The following TP73 variants were observed in gnomAD, a reference collection of about 807,000 sequenced individuals.
TP73 encodes tumor protein p73.
A neutral mutation model predicts 62.5 loss-of-function variants in TP73; 25 were observed. That is an observed-to-expected ratio of 0.40 (90% CI 0.29 to 0.56). TP73 has a LOEUF of 0.56. Ranked by LOEUF, TP73 falls within the 20% of genes least tolerant of loss-of-function variation. The pLI, the probability that TP73 is intolerant of heterozygous loss-of-function variation, is 0.46. For missense variants in TP73, 754 were observed against 913.3 expected (o/e 0.83, Z 2.25); for synonymous variants, 423 against 377.5 (o/e 1.12, Z -1.40).
At chr1:3,703,677 C>T (rs551259225) in intron 3 of TP73, among the ~76,000 whole-genome samples, 1 of 152,374 alleles carries the variant, frequency 6.6e-6, no homozygotes, top group South Asian at 2.1e-4. Context: ...CCTGCTTCTC[C>T]CAAACAAGGG....
chr1:3,730,273 C>T (rs749894043), intron 11 of TP73, 125 bp downstream of exon 11: 78 of 1,155,900 alleles, frequency 6.7e-5, no homozygotes, highest in Non-Finnish European at 8.1e-5. Flanking sequence ...CTCCTTCCAG[C>T]GGTTCCACCC....
At chr1:3,725,158 A>C (rs1641400644) in intron 6 of TP73, among the ~76,000 whole-genome samples, 1 of 152,092 alleles carries the variant, frequency 6.6e-6, no homozygotes. Context: ...CATGCAACAC[A>C]CACGTAGGGC....
At chr1:3,713,299 G>C (rs1047374655) in intron 4 of TP73, among the ~76,000 whole-genome samples, 1 of 152,154 alleles carries the variant, frequency 6.6e-6, no homozygotes, top group Non-Finnish European at 1.5e-5. Context: ...CTTGGGGACC[G>C]GCCTCTCCTG....
In TP73 at chr1:3,734,340, T is replaced by G. The variant is rs972718430; in HGVS notation, c.*1261T>G. On this transcript the variant is annotated 3_prime_UTR_variant, in exon 14 of 14. Transcript: ENST00000378295. This position sits in a 1 kb window ranked among gnomAD's most constrained non-coding sequence, Gnocchi z 4.4. ...CCATCCACGAGGAGCAGCCTGAGCC[T>G]TGGTGGCCGAACCTTGACCGTCCCG... 1.3e-5 allele frequency: 2 copies of G among 152,242 alleles called. No homozygotes were observed. Among genetic ancestry groups the G allele is most frequent in the Non-Finnish European group, 2.9e-5 (2 of 68,088 alleles). 9.4% of individuals were successfully genotyped at this position (152,242 alleles called of 1,614,324 possible).
At position 3,668,262 on chromosome 1, in the gene TP73, G is replaced by A. The variant is rs536061715; in HGVS notation, c.-33-14071G>A. Reference sequence around the variant, plus strand: ...CAAAGAGTCACCCGGCTGCGATGAGGGGCCATCTCCCCTCCTGGAGCCAAC... The same window carrying A: ...CAAAGAGTCACCCGGCTGCGATGAGAGGCCATCTCCCCTCCTGGAGCCAAC... On this transcript the variant is annotated intron_variant, in intron 1 of 13. Transcript: ENST00000378295. Among the ~76,000 whole-genome samples the A allele has an allele frequency of 5.9e-5, 9 of 152,258 alleles. No homozygotes were observed. In the East Asian group the frequency reaches 9.6e-4, roughly 16 times the overall value.
At position 3,732,449 on chromosome 1, in the gene TP73, A is replaced by G. The variant is rs115750164; in HGVS notation, c.1579-298A>G. Among the ~76,000 whole-genome samples the G allele has an allele frequency of 5.7e-3, 852 of 150,322 alleles. 6 individuals are homozygous for G. The highest frequency in any genetic ancestry group is 0.019 in the African/African-American group (800 of 41,428). ...CAGGGATGAGCTGGGGGTCCACTCCAGGGGGCAGGGACATGGAGACCAAGG... is the reference window on the plus strand; with the variant it reads ...CAGGGATGAGCTGGGGGTCCACTCCGGGGGGCAGGGACATGGAGACCAAGG... On this transcript the variant is annotated intron_variant, in intron 13 of 13. Transcript: ENST00000378295.
intron 1 of TP73, among the ~76,000 whole-genome samples, chr1:3,667,030 C>T (rs1280988238): frequency 2.0e-5 from 3 of 152,078 alleles, no homozygotes; most frequent in Non-Finnish European, 4.4e-5. Context: ...CAGGGGGCCC[C>T]ACAAGAGGGG....
Position 3,683,123 on chromosome 1 carries a change from C to T in TP73, c.129C>T (p.Gly43=), listed in dbSNP as rs1278104095. Residue 43 remains glycine (G), a synonymous_variant, in exon 3 of 14, where the codon GGC becomes GGT. Coordinates refer to ENST00000378295, the MANE Select transcript of TP73 (RefSeq NM_005427.4). ...QSSRGNNEVV[G]GTDSSMDVFH... ...GCCGGGGGAATAATGAGGTGGTGGG[C>T]GGAACGGATTCCAGCATGGACGTCT... 16 of 1,612,462 alleles carry T rather than the reference C, an allele frequency of 9.9e-6. No homozygotes were observed. The highest frequency in any genetic ancestry group is 4.5e-5 in the East Asian group (2 of 44,844).
Position 3,683,032 on chromosome 1 carries a change from C to T in TP73, c.66-28C>T, listed in dbSNP as rs200224584. ...GGGTGACACCCAAACTGGGGACTGA[C>T]GCTTCTATTTTCCTCTCCCTGCCCC... On this transcript the variant is annotated intron_variant, in intron 2 of 13. Coordinates refer to ENST00000378295, the MANE Select transcript of TP73 (RefSeq NM_005427.4). The T allele has an allele frequency of 4.5e-3, 7,110 of 1,587,486 alleles. 32 individuals carry two copies. The highest frequency in any genetic ancestry group is 6.8e-3 in the South Asian group (605 of 89,306).
chr1:3,669,693 A>G (rs999208382), intron 1 of TP73, among the ~76,000 whole-genome samples: 2 of 152,106 alleles, frequency 1.3e-5, no homozygotes, highest in African/African-American at 4.8e-5. Context: ...TCACGCAGCT[A>G]CTCCCAAGCC....
rs866582068 is a variant in TP73 at position 3,666,036 on chromosome 1, C to T, written c.-34+13395C>T. Among the ~76,000 whole-genome samples the T allele has an allele frequency of 1.3e-4, 19 of 146,370 alleles. No individual in the cohort carries two copies. The highest frequency in any genetic ancestry group is 2.2e-4 in the South Asian group (1 of 4,634). On this transcript the variant is annotated intron_variant, in intron 1 of 13. Transcript: ENST00000378295. The surrounding 1 kb of genome is among the most constrained non-coding windows in gnomAD (Gnocchi z 6.4). ...ACTTGGGAGGCTGAGGCAGGAGAAT[C>T]GCTTTTGAAGCCAGGAGGCGGAGTT... is the stretch of plus-strand genomic sequence containing the variant.
In TP73 at chr1:3,696,458, C is replaced by G. The variant is rs574737010; in HGVS notation, c.187-11091C>G. ...AGGGAGTCCTGCACATGGGCACTTA[C>G]AGTCAGGGCTCTGGGGGATCTGCAC... On this transcript the variant is annotated intron_variant, in intron 3 of 13. Coordinates refer to ENST00000378295, the MANE Select transcript of TP73 (RefSeq NM_005427.4). This position sits in a 1 kb window ranked among gnomAD's most constrained non-coding sequence, Gnocchi z 4.1. Among the ~76,000 whole-genome samples, 5 of 151,930 alleles carry G rather than the reference C, an allele frequency of 3.3e-5. No homozygotes were observed. The highest frequency in any genetic ancestry group is 3.3e-4 in the Admixed American group (5 of 15,262).
At chr1:3,726,450 T>G (rs1570627148) in intron 6 of TP73, among the ~76,000 whole-genome samples, 6 of 104,118 alleles carry the variant, frequency 5.8e-5, no homozygotes, top group South Asian at 3.3e-4. Flanking sequence ...TGTGGGTGGG[T>G]GGATGGGTGG....
At position 3,730,103 on chromosome 1, in the gene TP73, C is replaced by G; in HGVS notation, c.1300C>G (p.Pro434Ala). Reference protein sequence around the residue: ...LPSVNQLVGQPPPHSSAATPN... With the variant: ...LPSVNQLVGQAPPHSSAATPN... ...CTCCGTCAACCAGCTGGTGGGCCAG[C>G]CTCCCCCGCACAGTTCGGCAGCTAC... The change falls in exon 11 of 14, where the codon CCT (proline) becomes GCT (alanine). Residue 434 changes from proline (P) to alanine (A), a missense_variant. By Grantham distance (27) the Pro-to-Ala change is conservative (BLOSUM62 -1). Coordinates refer to ENST00000378295, the MANE Select transcript of TP73 (RefSeq NM_005427.4). 6.3e-7 allele frequency: 1 copy of G among 1,584,762 alleles called. No homozygotes were observed. Among genetic ancestry groups the G allele is most frequent in the South Asian group, 1.1e-5 (1 of 87,088 alleles).
At position 3,716,514 on chromosome 1, in the gene TP73, C is replaced by T. The variant is rs896913353; in HGVS notation, c.430-5507C>T. 2.0e-4 allele frequency among the ~76,000 whole-genome samples: 31 copies of T among 152,254 alleles called. 1 individual carries two copies. The highest frequency in any genetic ancestry group is 4.1e-4 in the Non-Finnish European group (28 of 68,046). On this transcript the variant is annotated intron_variant, in intron 4 of 13. Coordinates refer to ENST00000378295, the MANE Select transcript of TP73 (RefSeq NM_005427.4). ...ATTGCCACATGTGTCCTTTCCCCCTCCCCAGGCTAGTGGCTTCCCTGGGGC... is the reference window on the plus strand; with the variant it reads ...ATTGCCACATGTGTCCTTTCCCCCTTCCCAGGCTAGTGGCTTCCCTGGGGC...
At chr1:3,729,953 C>T (rs565402144) in intron 10 of TP73, 47 bp from the exon 11 acceptor site, 7 of 1,537,958 alleles carry the variant, frequency 4.6e-6, no homozygotes, top group East Asian at 2.3e-5. Context: ...TCGGTGGGCA[C>T]GAGGCTGCCT....
rs142630218 is a variant in TP73, at chr1:3,663,001, G to A, written c.-34+10360G>A. On this transcript the variant is annotated intron_variant, in intron 1 of 13. Coordinates refer to ENST00000378295, the MANE Select transcript of TP73 (RefSeq NM_005427.4). This position sits in a 1 kb window ranked among gnomAD's most constrained non-coding sequence, Gnocchi z 4.7. ...CTGGCATGAGTAATCTGAGGGCGGC[G>A]CTTTCCTCACTGCAGTGGCATCATA... Among the ~76,000 whole-genome samples the A allele has an allele frequency of 2.6e-5, 4 of 152,362 alleles. No individual in the cohort carries two copies. The East Asian group carries it at 5.8e-4, about 22-fold the overall frequency.
intron 12 of TP73, 89 bp downstream of exon 12, chr1:3,731,154 C>G (rs1642109218): frequency 6.6e-7 from 1 of 1,520,168 alleles, no homozygotes; most frequent in Non-Finnish European, 8.9e-7. Flanking sequence ...CCTGCCCCAC[C>G]CTGTGTGCTC....
chr1:3,684,189 C>T (rs1645591785), intron 3 of TP73, among the ~76,000 whole-genome samples: 1 of 152,240 alleles, frequency 6.6e-6, no homozygotes, highest in Admixed American at 6.5e-5. Flanking sequence ...CTGGACTCGT[C>T]AGCTGCTCGG....
Sources: gnomAD v4.1 joint callset for allele counts (sites outside exome capture counted in the v4.1 genomes callset) on GRCh38, gnomAD v4.1.1 for gene constraint, Gnocchi (gnomAD v3.1) non-coding constraint, MANE v1.5 for transcripts, NCBI Gene and HGNC (gene_info 2026-07-23, HGNC 2026-07-21) for gene names.